CD163L1: variants seen among roughly 807,000 people sequenced by gnomAD.
The protein encoded by CD163L1 is CD163 molecule like 1, also known as scavenger receptor cysteine-rich type 1 protein M160.
CD163L1 carries 124 observed loss-of-function variants against 165.4 expected under a neutral mutation model. The ratio of observed to expected loss-of-function variants is 0.75; its 90% confidence interval spans 0.65 to 0.87. The LOEUF (loss-of-function observed/expected upper bound fraction) is 0.87. Among genes scored for constraint, CD163L1 ranks in the 40% least tolerant of loss-of-function variants. The probability of loss-of-function intolerance (pLI) is 0.00; values close to 1 mark genes in which losing one functional copy is unlikely to be tolerated. For synonymous variants in CD163L1, 585 were observed against 662.2 expected, an observed-to-expected ratio of 0.88 and a Z score of 1.79; for missense variants, 1,525 against 1,799.9, an observed-to-expected ratio of 0.85 and a Z score of 2.76.
At chr12:7,357,686 C>A (rs1946806432) in intron 18 of CD163L1, 200 bp from the exon 19 acceptor site, 1 of 366,240 alleles carries the variant, frequency 2.7e-6, no homozygotes, top group Non-Finnish European at 5.0e-6. Context: ...TTAAGTGTTA[C>A]CAAAACAAAT....
intron 14 of CD163L1, 109 bp downstream of exon 14, chr12:7,373,211 C>T: frequency 2.3e-6 from 2 of 878,964 alleles, no homozygotes; most frequent in South Asian, 3.6e-5. Context: ...TATTGTCATG[C>T]ACTTTTCAGT....
chr12:7,426,701 C>T (rs1461374466), intron 4 of CD163L1, among the ~76,000 whole-genome samples: 2 of 152,046 alleles, frequency 1.3e-5, no homozygotes, highest in Admixed American at 1.3e-4. Context: ...AACAAACTTG[C>T]ATGTTCTGTA....
the CD163L1 span, among the ~76,000 whole-genome samples, chr12:7,326,196 G>A: frequency 2.0e-5 from 3 of 152,052 alleles, no homozygotes; most frequent in Middle Eastern, 3.2e-3. Flanking sequence ...GAGGTTTTTG[G>A]CTTTTGGCTT....
the CD163L1 span, among the ~76,000 whole-genome samples, chr12:7,319,848 A>G: frequency 6.6e-6 from 1 of 152,254 alleles, no homozygotes; most frequent in African/African-American, 2.4e-5. Flanking sequence ...CATTTGTAAA[A>G]TAAGAATACT....
chr12:7,335,785 C>G, the CD163L1 span, among the ~76,000 whole-genome samples: 3 of 152,268 alleles, frequency 2.0e-5, no homozygotes, highest in Non-Finnish European at 2.9e-5. Context: ...TATCCAGAAT[C>G]AACAATGAAC....
chr12:7,320,592 G>A, the CD163L1 span: 30 of 660,130 alleles, frequency 4.5e-5, no homozygotes, highest in Non-Finnish European at 5.3e-6. Context: ...AATAAATATT[G>A]TTTTCTTATT....
At chr12:7,393,860 C>G (rs929131087) in intron 8 of CD163L1, among the ~76,000 whole-genome samples, 3 of 152,080 alleles carry the variant, frequency 2.0e-5, no homozygotes, top group African/African-American at 7.2e-5. Flanking sequence ...ATCCAACTTA[C>G]AAGGGATGTG....
At chr12:7,341,790 A>G (rs1946639200), downstream of CD163L1, among the ~76,000 whole-genome samples, 1 of 152,224 alleles carries the variant, frequency 6.6e-6, no homozygotes, top group South Asian at 2.1e-4. Flanking sequence ...CTGGGCCTTC[A>G]GTTTGAGAGT....
At chr12:7,408,844 T>A (rs1948079077) in intron 4 of CD163L1, among the ~76,000 whole-genome samples, 1 of 152,230 alleles carries the variant, frequency 6.6e-6, no homozygotes, top group Non-Finnish European at 1.5e-5. Context: ...TACTTGTACT[T>A]TTTTGACTAC....
chr12:7,368,139 A>C lies in CD163L1; in HGVS notation c.4131T>G (p.Ile1377Met). ...GAACTCGGCACCACGTGAGAAATAG[A>C]ATAAACAGAACCAGGAGAAGGAGCC... is the stretch of plus-strand genomic sequence containing the variant. ...IFGLLLLVLFILFLTWCRVQK... is the reference protein window; with the variant it reads ...IFGLLLLVLFMLFLTWCRVQK... The change falls in exon 17 of 20, where the codon ATT becomes ATG. Residue 1377 changes from isoleucine (I) to methionine (M), a missense_variant. Physicochemically the swap from Ile to Met is conservative, Grantham distance 10 (BLOSUM62 1). Transcript: ENST00000313599. The surrounding 1 kb of genome is among the most constrained non-coding windows in gnomAD (Gnocchi z 4.3). 6.2e-7 allele frequency: 1 copy of C among 1,613,158 alleles called. No individual in the cohort carries two copies. The highest frequency in any genetic ancestry group is 2.2e-5 in the East Asian group (1 of 44,874).
At chr12:7,353,729 C>G (rs1276646697), downstream of CD163L1, among the ~76,000 whole-genome samples, 1 of 151,926 alleles carries the variant, frequency 6.6e-6, no homozygotes, top group South Asian at 2.1e-4. Flanking sequence ...GAATGATAGA[C>G]TTTTTCATAT....
At chr12:7,367,456 C>G in intron 17 of CD163L1, 125 bp from the exon 18 acceptor site, 1 of 500,562 alleles carries the variant, frequency 2.0e-6, no homozygotes, top group South Asian at 4.4e-5. Context: ...GCTCTTTCAG[C>G]ACCTACCCCT....
chr12:7,427,558 G>A (rs973860352), intron 4 of CD163L1, among the ~76,000 whole-genome samples: 1 of 152,032 alleles, frequency 6.6e-6, no homozygotes, highest in Non-Finnish European at 1.5e-5. Context: ...ATATTCTTAT[G>A]GCCTTGATGG....
chr12:7,433,779 ATTTAG>A, intron 2 of CD163L1, 85 bp from the exon 3 acceptor site: 1 of 1,003,590 alleles, frequency 1.0e-6, no homozygotes, highest in African/African-American at 1.6e-5. Flanking sequence ...GATGATGATC[ATTTAG>A]TTTAAATGTT....
chr12:7,430,530 T>G (rs1374461048), intron 4 of CD163L1, among the ~76,000 whole-genome samples: 1 of 152,192 alleles, frequency 6.6e-6, no homozygotes, highest in African/African-American at 2.4e-5. Flanking sequence ...ATAGATCACC[T>G]AAAATTGCTG....
intron 4 of CD163L1, among the ~76,000 whole-genome samples, chr12:7,424,118 G>T (rs1016895279): frequency 6.6e-6 from 1 of 151,992 alleles, no homozygotes; most frequent in Non-Finnish European, 1.5e-5. Context: ...GCACATCAAA[G>T]CTTATCCACC....
Position 7,400,339 on chromosome 12 carries a change from A to G in CD163L1, c.1409-1755T>C, listed in dbSNP as rs2136513782. Among the ~76,000 whole-genome samples, 1 of 152,308 alleles carries G rather than the reference A, an allele frequency of 6.6e-6. No individual in the cohort carries two copies. On this transcript the variant is annotated intron_variant, in intron 6 of 19. Transcript: ENST00000313599. The surrounding 1 kb of genome is among the most constrained non-coding windows in gnomAD (Gnocchi z 4.1). Reference sequence around the variant, plus strand: ...GATATATGACGCATGTATATATAATATGTATCATTTCCAGATATACTAAAT... The same window carrying G: ...GATATATGACGCATGTATATATAATGTGTATCATTTCCAGATATACTAAAT...
intron 13 of CD163L1, among the ~76,000 whole-genome samples, chr12:7,373,926 G>C (rs960211916): frequency 6.6e-6 from 1 of 152,142 alleles, no homozygotes; most frequent in Non-Finnish European, 1.5e-5. Flanking sequence ...ATTCAATTCA[G>C]AAAATAATCA....
chr12:7,418,286 T>C (rs879215487), intron 4 of CD163L1, among the ~76,000 whole-genome samples: 1 of 152,032 alleles, frequency 6.6e-6, no homozygotes, highest in African/African-American at 2.4e-5. Context: ...TGAATGAGCA[T>C]TGGGTCAACA....
Sources: allele counts gnomAD v4.1 joint callset (sites outside exome capture counted in the v4.1 genomes callset), GRCh38; gene constraint gnomAD v4.1.1; non-coding constraint Gnocchi (gnomAD v3.1); transcripts MANE v1.5; gene names NCBI Gene and HGNC (gene_info 2026-07-23, HGNC 2026-07-21).